LRRC71: variants seen among roughly 807,000 people sequenced by gnomAD.
LRRC71 encodes leucine rich repeat containing 71, also known as leucine-rich repeat-containing protein 71.
LRRC71 carries 54 observed loss-of-function variants against 66.6 expected under a neutral mutation model. The ratio of observed to expected loss-of-function variants is 0.81; its 90% confidence interval spans 0.65 to 1.02. LRRC71 has a LOEUF of 1.02. Ranked by LOEUF, LRRC71 falls within the 50% of genes least tolerant of loss-of-function variation. LRRC71 has a pLI of 0.00. For missense variants in LRRC71, 724 were observed against 718.0 expected, an observed-to-expected ratio of 1.01 and a Z score of -0.10; for synonymous variants, 323 against 303.9, an observed-to-expected ratio of 1.06 and a Z score of -0.65.
chr1:156,929,113 C>T lies in LRRC71; in HGVS notation c.997-167C>T, dbSNP rs192855691. On this transcript the variant is annotated intron_variant, in intron 9 of 14. Transcript: ENST00000337428. ...GCTATTTCTTCCCGAAAGCATCTCA[C>T]CCCAGAGGAGTCCTATACAAATTAT... 6.6e-5 allele frequency among the ~76,000 whole-genome samples: 10 copies of T among 152,158 alleles called. No individual in the cohort carries two copies. The East Asian group carries it at 1.9e-3, about 29-fold the overall frequency.
chr1:156,929,271 T>C lies in LRRC71; in HGVS notation c.997-9T>C. ...TTCTTCCCCCCTTCCCTCCCATTTG[T>C]GAGCACAGCCCTCCTCCTCTCGACA... On this transcript the variant is annotated splice_polypyrimidine_tract_variant and intron_variant, in intron 9 of 14. Transcript: ENST00000337428. 6.3e-7 allele frequency: 1 copy of C among 1,594,400 alleles called. No homozygotes were observed. The highest frequency in any genetic ancestry group is 8.5e-7 in the Non-Finnish European group (1 of 1,170,204).
intron 11 of LRRC71, 149 bp from the exon 12 acceptor site, chr1:156,930,379 TA>T: frequency 1.6e-6 from 1 of 630,460 alleles, no homozygotes; most frequent in Non-Finnish European, 2.8e-6. Flanking sequence ...AGGTGTGAGC[TA>T]CAGCGCCCAG....
chr1:156,939,743 C>T, the LRRC71 span: 2 of 1,613,984 alleles, frequency 1.2e-6, no homozygotes, highest in African/African-American at 2.7e-5. Context: ...TTGTCCCCTT[C>T]ACCCCCAGGG....
intron 6 of LRRC71, 84 bp downstream of exon 6, chr1:156,927,354 C>T (rs1341664594): frequency 6.5e-7 from 1 of 1,550,228 alleles, no homozygotes; most frequent in Non-Finnish European, 8.8e-7. Context: ...TCCTTGTCCC[C>T]CTACCATCTC....
Position 156,929,413 on chromosome 1 carries a change from A to G in LRRC71, c.1130A>G (p.Lys377Arg), listed in dbSNP as rs1653929519. 1.2e-6 allele frequency: 2 copies of G among 1,613,784 alleles called. No individual in the cohort carries two copies. The highest frequency in any genetic ancestry group is 1.7e-5 in the Admixed American group (1 of 59,990). The part of the protein sequence containing the change: ...TMKTPKGLGK[K>R]KEKSWELAKK... ...AAAACCCCTAAGGGCCTGGGCAAGA[A>G]AAAGGAGAAATCATGGGTAGGTGTG... Residue 377 changes from lysine (K) to arginine (R), a missense_variant, in exon 10 of 15, where the codon AAA becomes AGA. By Grantham distance (26) the Lys-to-Arg change is conservative. Transcript: ENST00000337428.
chr1:156,939,476 C>CCT, the LRRC71 span: 1 of 1,593,888 alleles, frequency 6.3e-7, no homozygotes, highest in Non-Finnish European at 8.5e-7. Context: ...GGGAAGGAAG[C>CCT]AGCTGTTCGG....
chr1:156,937,535 A>G (rs1343321263), downstream of LRRC71: 2 of 1,502,208 alleles, frequency 1.3e-6, no homozygotes, highest in Admixed American at 4.7e-5. Flanking sequence ...GGAGGCAAAC[A>G]GAGAAGTCGA....
At chr1:156,936,497 A>AAAAAATAT (rs370282821), downstream of LRRC71, among the ~76,000 whole-genome samples, 1 of 33,938 alleles carries the variant, frequency 2.9e-5, no homozygotes, top group South Asian at 1.6e-3. Context: ...AAAAAAAAAA[A>AAAAAATAT]ATATATATAT....
chr1:156,938,320 G>T, the LRRC71 span: 2 of 1,103,256 alleles, frequency 1.8e-6, no homozygotes, highest in South Asian at 1.6e-5. Flanking sequence ...GGGAGCTTGT[G>T]GGTGTGTGTG....
chr1:156,933,947 G>T (rs915227969), downstream of LRRC71, among the ~76,000 whole-genome samples: 11 of 152,254 alleles, frequency 7.2e-5, no homozygotes, highest in Admixed American at 3.9e-4. Context: ...TGGCACCTAG[G>T]CCTGTCTCCT....
At position 156,927,438 on chromosome 1, in the gene LRRC71, T is replaced by TCCGGCGGACG. The variant is rs1043183964; in HGVS notation, c.663-55_663-46dup. ...CCTCAAGCGCTCAAGTCTCCCATAT[T>TCCGGCGGACG]CCGGCGGACGCCCTGTACCTTTTCC... On this transcript the variant is annotated intron_variant, in intron 6 of 14. Transcript: ENST00000337428. 4.6e-6 allele frequency: 7 copies of TCCGGCGGACG among 1,520,996 alleles called. No homozygotes were observed. In the African/African-American group the frequency reaches 9.7e-5, roughly 21 times the overall value. The allele number at this position is 1,520,996 out of a possible 1,614,324, so 94.2% of individuals were successfully genotyped here.
intron 11 of LRRC71, 114 bp downstream of exon 11, chr1:156,929,843 C>A: frequency 1.2e-6 from 1 of 822,118 alleles, no homozygotes; most frequent in Non-Finnish European, 1.9e-6. Flanking sequence ...CTCATCTCGC[C>A]ATGCCCCTCT....
intron 5 of LRRC71, among the ~76,000 whole-genome samples, chr1:156,926,004 C>T (rs77890333): frequency 0.019 from 2,917 of 152,300 alleles, 47 homozygotes; most frequent in South Asian, 0.055. Flanking sequence ...ATGTGACAGA[C>T]GAGGCAGGCT....
intron 2 of LRRC71, 40 bp downstream of exon 2, chr1:156,924,138 C>T (rs1431437369): frequency 6.5e-7 from 1 of 1,541,896 alleles, no homozygotes; most frequent in African/African-American, 1.4e-5. Flanking sequence ...GCCAGGGCCG[C>T]CTAGTCCATC....
At chr1:156,937,366 C>T, downstream of LRRC71, 1 of 1,611,364 alleles carries the variant, frequency 6.2e-7, no homozygotes, top group Non-Finnish European at 8.5e-7. Context: ...CGTTGCCTCC[C>T]TGCAGCTGAG....
intron 6 of LRRC71, 58 bp from the exon 7 acceptor site, chr1:156,927,438 T>G (rs543232435): frequency 6.6e-7 from 1 of 1,521,114 alleles, no homozygotes; most frequent in African/African-American, 1.4e-5. Context: ...TCTCCCATAT[T>G]CCGGCGGACG....
chr1:156,924,870 G>A lies in LRRC71; in HGVS notation c.516-68G>A, dbSNP rs533354138. On this transcript the variant is annotated intron_variant, in intron 4 of 14. Coordinates refer to ENST00000337428, the MANE Select transcript of LRRC71 (RefSeq NM_144702.3). Reference sequence around the variant, plus strand: ...GGAAGGGCACCGCTGGGAGAACGGTGTGGGGAGGGTTTTCCAGTAGGAGGG... The same window carrying A: ...GGAAGGGCACCGCTGGGAGAACGGTATGGGGAGGGTTTTCCAGTAGGAGGG... The A allele has an allele frequency of 7.8e-6, 12 of 1,530,434 alleles. No homozygotes were observed. In the African/African-American group the frequency reaches 1.1e-4, roughly 14 times the overall value. The allele number at this position is 1,530,434 out of a possible 1,614,324, so 94.8% of individuals were successfully genotyped here. A position where few individuals can be genotyped will look rare whatever the true frequency, so the allele number is the denominator to read the frequency against.
chr1:156,937,414 C>A, downstream of LRRC71: 3 of 1,586,626 alleles, frequency 1.9e-6, no homozygotes, highest in Non-Finnish European at 2.6e-6. Flanking sequence ...GGCTGTCAGG[C>A]TGAGGGGGGC....
rs1209374911 is a variant in LRRC71, at chr1:156,927,036, T to C, written c.594-166T>C. 47 of 665,964 alleles carry C rather than the reference T, an allele frequency of 7.1e-5. No individual in the cohort carries two copies. The East Asian group carries it at 1.3e-3, about 19-fold the overall frequency. 41.3% of individuals were successfully genotyped at this position (665,964 alleles called of 1,614,324 possible). On this transcript the variant is annotated intron_variant, in intron 5 of 14. Coordinates refer to ENST00000337428, the MANE Select transcript of LRRC71 (RefSeq NM_144702.3). ...AGTCCCTTCACAATGGGCACATCTG[T>C]GAATTTTTAGTCTGGGGAATTGTCA...
Sources: allele counts gnomAD v4.1 joint callset (sites outside exome capture counted in the v4.1 genomes callset), GRCh38; gene constraint gnomAD v4.1.1; transcripts MANE v1.5; gene names NCBI Gene and HGNC (gene_info 2026-07-23, HGNC 2026-07-21).